CPNE8: variants seen among roughly 807,000 people sequenced by gnomAD.
The protein encoded by CPNE8 is copine 8.
A neutral mutation model predicts 81.5 loss-of-function variants in CPNE8; 45 were observed. That is an observed-to-expected ratio of 0.55 (90% confidence interval 0.44 to 0.71). The LOEUF (loss-of-function observed/expected upper bound fraction) is 0.71, where lower values mean the gene tolerates loss of function less well. Ranked by LOEUF, CPNE8 falls within the 30% of genes least tolerant of loss-of-function variation. CPNE8 has a pLI of 0.00. For missense variants in CPNE8, 594 were observed against 672.1 expected (o/e 0.88, Z 1.28); for synonymous variants, 252 against 226.3 (o/e 1.11, Z -1.02).
intron 19 of CPNE8, among the ~76,000 whole-genome samples, chr12:38,668,744 T>G (rs12318974): frequency 0.084 from 12,733 of 152,142 alleles, 1,191 homozygotes; most frequent in East Asian, 0.47. Context: ...ATCATGTGTC[T>G]AATTATGAAA....
chr12:38,848,118 A>G (rs1306845089), intron 4 of CPNE8, among the ~76,000 whole-genome samples: 1 of 152,126 alleles, frequency 6.6e-6, no homozygotes, highest in Non-Finnish European at 1.5e-5. Context: ...TAAAATGCTG[A>G]CTCGATTATC....
At chr12:38,830,927 G>A (rs1291506794) in intron 5 of CPNE8, among the ~76,000 whole-genome samples, 1 of 152,052 alleles carries the variant, frequency 6.6e-6, no homozygotes, top group African/African-American at 2.4e-5. Context: ...TCTAATGAAA[G>A]GAATGAGACC....
At chr12:38,728,264 T>C (rs1164272980) in intron 11 of CPNE8, among the ~76,000 whole-genome samples, 1 of 152,202 alleles carries the variant, frequency 6.6e-6, no homozygotes, top group African/African-American at 2.4e-5. Context: ...CTTGCAGATA[T>C]GGGATTTATT....
intron 6 of CPNE8, among the ~76,000 whole-genome samples, chr12:38,807,991 C>G (rs1942852640): frequency 6.6e-6 from 1 of 151,978 alleles, no homozygotes; most frequent in African/African-American, 2.4e-5. Context: ...AGCCAAAAAA[C>G]ACATGGAAAA....
chr12:38,881,209 C>CAA (rs11336431), intron 1 of CPNE8, among the ~76,000 whole-genome samples: 1,281 of 126,488 alleles, frequency 0.01, 18 homozygotes, highest in South Asian at 0.041. Flanking sequence ...GATTCCGTCT[C>CAA]AAAAAAAAAA....
intron 13 of CPNE8, among the ~76,000 whole-genome samples, chr12:38,704,826 G>GTATATATGTGTGTATATATATATATA (rs1940051981): frequency 2.0e-5 from 1 of 50,200 alleles, no homozygotes; most frequent in South Asian, 8.1e-4. Context: ...GTATGTATGT[G>GTATATATGTGTGTATATATATATATA]TATATATATA....
intron 19 of CPNE8, among the ~76,000 whole-genome samples, chr12:38,661,430 G>T (rs1478424503): frequency 6.6e-6 from 1 of 152,044 alleles, no homozygotes; most frequent in East Asian, 1.9e-4. Context: ...GACACAGGGT[G>T]GGGAACATCA....
At chr12:38,808,499 A>T (rs1261003308) in intron 6 of CPNE8, among the ~76,000 whole-genome samples, 2 of 151,418 alleles carry the variant, frequency 1.3e-5, no homozygotes, top group East Asian at 3.9e-4. Context: ...CAACTATCAC[A>T]AGAACAAAAA....
chr12:38,764,616 CAAAAAAAAAAAAA>C (rs1247038606), intron 8 of CPNE8, among the ~76,000 whole-genome samples: 3 of 45,104 alleles, frequency 6.7e-5, no homozygotes, highest in South Asian at 7.4e-4. Context: ...GACTCCGTCT[CAAAAAAAAAAAAA>C]AAAAAAAAAA....
At chr12:38,797,058 T>A (rs1942499452) in intron 6 of CPNE8, among the ~76,000 whole-genome samples, 1 of 152,134 alleles carries the variant, frequency 6.6e-6, no homozygotes, top group Non-Finnish European at 1.5e-5. Flanking sequence ...TCGAACTGGG[T>A]GGAGCCCACC....
chr12:38,760,620 T>G (rs1414123789), intron 10 of CPNE8, among the ~76,000 whole-genome samples: 1 of 152,038 alleles, frequency 6.6e-6, no homozygotes, highest in South Asian at 2.1e-4. Flanking sequence ...CAGATTCAAG[T>G]TGAAAATCTT....
intron 6 of CPNE8, among the ~76,000 whole-genome samples, chr12:38,808,865 T>A (rs1942877716): frequency 6.6e-6 from 1 of 152,002 alleles, no homozygotes; most frequent in East Asian, 1.9e-4. Flanking sequence ...TAAACAAATA[T>A]TTTATAGAAT....
intron 3 of CPNE8, among the ~76,000 whole-genome samples, chr12:38,859,302 T>A (rs1388674800): frequency 6.6e-6 from 1 of 151,974 alleles, no homozygotes; most frequent in Non-Finnish European, 1.5e-5. Flanking sequence ...ACACCAACAA[T>A]GAACCATCAA....
intron 13 of CPNE8, among the ~76,000 whole-genome samples, chr12:38,703,575 C>T (rs826895): frequency 0.11 from 16,029 of 152,168 alleles, 1,056 homozygotes; most frequent in East Asian, 0.25. Flanking sequence ...CTCACCACTC[C>T]TATTCCACAT....
At chr12:38,856,095 A>G (rs2137071322) in intron 3 of CPNE8, among the ~76,000 whole-genome samples, 1 of 152,200 alleles carries the variant, frequency 6.6e-6, no homozygotes, top group African/African-American at 2.4e-5. Context: ...TGAATAACCC[A>G]GAAGAAATGG....
chr12:38,779,798 C>T (rs1017903031), intron 6 of CPNE8, among the ~76,000 whole-genome samples: 1 of 151,756 alleles, frequency 6.6e-6, no homozygotes, highest in Non-Finnish European at 1.5e-5. Flanking sequence ...CAACAGGTTG[C>T]AGAATCAAAC....
intron 3 of CPNE8, among the ~76,000 whole-genome samples, chr12:38,849,657 T>A (rs906033671): frequency 1.8e-4 from 28 of 152,342 alleles, no homozygotes; most frequent in African/African-American, 6.7e-4. Context: ...CTACTTCCAA[T>A]GGATCACTCC....
intron 6 of CPNE8, among the ~76,000 whole-genome samples, chr12:38,782,947 A>G (rs1201561644): frequency 2.0e-5 from 3 of 152,112 alleles, no homozygotes; most frequent in African/African-American, 7.2e-5. Flanking sequence ...CCCAAAGTGC[A>G]GGAATTGCAG....
At chr12:38,859,140 A>C (rs1182283463) in intron 3 of CPNE8, among the ~76,000 whole-genome samples, 4 of 152,166 alleles carry the variant, frequency 2.6e-5, no homozygotes, top group African/African-American at 9.7e-5. Context: ...TCCAAATCAA[A>C]ACAGAGGAAG....
Sources: allele counts gnomAD v4.1 joint callset (sites outside exome capture counted in the v4.1 genomes callset), GRCh38; gene constraint gnomAD v4.1.1; transcripts MANE v1.5; gene names NCBI Gene and HGNC (gene_info 2026-07-23, HGNC 2026-07-21).